The following CD70 variants were observed in gnomAD, a reference collection of about 807,000 sequenced individuals.
CD70 encodes the protein CD70 molecule, also known as CD70 antigen.
CD70 carries 6 observed loss-of-function variants against 9.0 expected under a neutral mutation model. The ratio of observed to expected loss-of-function variants is 0.67; its 90% CI spans 0.37 to 1.32. The LOEUF (loss-of-function observed/expected upper bound fraction) is 1.32, where lower values mean the gene tolerates loss of function less well. Ranked by LOEUF, CD70 falls within the 40% of genes most tolerant of loss-of-function variation. The probability of loss-of-function intolerance (pLI) is 0.02; values close to 1 mark genes in which losing one functional copy is unlikely to be tolerated. For synonymous variants in CD70, 108 were observed against 112.3 expected (o/e 0.96, Z 0.24); for missense variants, 235 against 258.7 (o/e 0.91, Z 0.63).
chr19:6,590,741 A>C lies in CD70; in HGVS notation c.162+100T>G. On this transcript the variant is annotated intron_variant, in intron 1 of 2. Coordinates refer to ENST00000245903, the MANE Select transcript of CD70 (RefSeq NM_001252.5). The surrounding 1 kb of genome is among the most constrained non-coding windows in gnomAD (Gnocchi z 5.3). ...CTGTTCTGGTCTCTGTCTCTGCCCT[A>C]CCAGATCTTCCTCTCTGGCCTCTTT... The C allele has an allele frequency of 8.1e-6, 9 of 1,117,792 alleles. No individual in the cohort carries two copies. The highest frequency in any genetic ancestry group is 1.4e-5 in the South Asian group (1 of 70,020). 69.2% of individuals were successfully genotyped at this position (1,117,792 alleles called of 1,614,324 possible).
intron 2 of CD70, among the ~76,000 whole-genome samples, chr19:6,587,654 G>C (rs1916058453): frequency 1.3e-5 from 2 of 152,040 alleles, no homozygotes. Context: ...CCACCCGCTG[G>C]TTGAGTGTGT....
In CD70 at chr19:6,590,736, G is replaced by A. The variant is rs892590572; in HGVS notation, c.162+105C>T. 7.5e-6 allele frequency: 8 copies of A among 1,070,000 alleles called. No individual in the cohort carries two copies. The highest frequency in any genetic ancestry group is 4.7e-5 in the African/African-American group (3 of 63,878). The allele number at this position is 1,070,000 out of a possible 1,614,324, so 66.3% of individuals were successfully genotyped here. A position where few individuals can be genotyped will look rare whatever the true frequency, so the allele number is the denominator to read the frequency against. On this transcript the variant is annotated intron_variant, in intron 1 of 2. Transcript: ENST00000245903. The surrounding 1 kb of genome is among the most constrained non-coding windows in gnomAD (Gnocchi z 5.3). Reference sequence around the variant, plus strand: ...CCTCCCTGTTCTGGTCTCTGTCTCTGCCCTACCAGATCTTCCTCTCTGGCC... The same window carrying A: ...CCTCCCTGTTCTGGTCTCTGTCTCTACCCTACCAGATCTTCCTCTCTGGCC...
At chr19:6,586,510 A>T in intron 2 of CD70, 105 bp from the exon 3 acceptor site, 1 of 1,273,730 alleles carries the variant, frequency 7.9e-7, no homozygotes, top group Non-Finnish European at 1.1e-6. Context: ...TTAGAGATCA[A>T]GGAATAGGTT....
At chr19:6,582,938 C>T (rs534395585), downstream of CD70, among the ~76,000 whole-genome samples, 24 of 152,300 alleles carry the variant, frequency 1.6e-4, no homozygotes, top group African/African-American at 5.3e-4. Flanking sequence ...TTGCAGGATA[C>T]AGCCTCCCTC....
At chr19:6,587,918 C>T (rs936221874) in intron 2 of CD70, among the ~76,000 whole-genome samples, 2 of 151,946 alleles carry the variant, frequency 1.3e-5, no homozygotes, top group African/African-American at 2.4e-5. Flanking sequence ...CTATGTTTCC[C>T]AAGAAACATA....
chr19:6,585,424 A>G (rs1300610118), downstream of CD70, among the ~76,000 whole-genome samples: 1 of 149,380 alleles, frequency 6.7e-6, no homozygotes, highest in African/African-American at 2.5e-5. Flanking sequence ...GGCTCACTGC[A>G]GCCTTTGACC....
intron 2 of CD70, among the ~76,000 whole-genome samples, chr19:6,587,521 C>A (rs768138501): frequency 1.3e-5 from 2 of 150,372 alleles, no homozygotes; most frequent in Non-Finnish European, 3.0e-5. Flanking sequence ...AGAGAGACAG[C>A]GTGCGCACGA....
At chr19:6,588,121 T>C (rs951767012) in intron 2 of CD70, among the ~76,000 whole-genome samples, 5 of 152,188 alleles carry the variant, frequency 3.3e-5, no homozygotes, top group Admixed American at 3.3e-4. Context: ...AGACTGGCTA[T>C]CTTGTTAGGA....
At chr19:6,587,382 CAG>C (rs1372064067) in intron 2 of CD70, among the ~76,000 whole-genome samples, 5 of 148,036 alleles carry the variant, frequency 3.4e-5, no homozygotes, top group East Asian at 2.0e-4. Context: ...GTGCACGAGA[CAG>C]AGTGTGAGAG....
chr19:6,588,745 C>T (rs116025932), intron 2 of CD70, among the ~76,000 whole-genome samples: 99 of 152,166 alleles, frequency 6.5e-4, no homozygotes, highest in African/African-American at 2.4e-3. Flanking sequence ...TTCTCTAAAA[C>T]CTGCTCTTGG....
At position 6,590,791 on chromosome 19, in the gene CD70, G is replaced by A; in HGVS notation, c.162+50C>T. 1 of 1,489,684 alleles carries A rather than the reference G, an allele frequency of 6.7e-7. No homozygotes were observed. The highest frequency in any genetic ancestry group is 1.2e-5 in the South Asian group (1 of 84,238). The allele number at this position is 1,489,684 out of a possible 1,614,324, so 92.3% of individuals were successfully genotyped here. A position where few individuals can be genotyped will look rare whatever the true frequency, so the allele number is the denominator to read the frequency against. On this transcript the variant is annotated intron_variant, in intron 1 of 2. Transcript: ENST00000245903. This position sits in a 1 kb window ranked among gnomAD's most constrained non-coding sequence, Gnocchi z 5.3. ...TGTACCCATCTCATTCTGTCTTTTC[G>A]GTCACGCGCCTCTCTATGTTTTCTT...
rs116982304 is a variant in CD70, at chr19:6,587,480, G to C, written c.197-1075C>G. 2.0e-3 allele frequency among the ~76,000 whole-genome samples: 301 copies of C among 152,150 alleles called. 6 individuals are homozygous for C. In the East Asian group the frequency reaches 0.049, roughly 25 times the overall value. The stretch of plus-strand genomic sequence containing the variant: ...CGAGAGTGCACGGGAGTGAGCGAGA[G>C]AGTGCCTGAGAGAGTGAGACAGACA... On this transcript the variant is annotated intron_variant, in intron 2 of 2. Coordinates refer to ENST00000245903, the MANE Select transcript of CD70 (RefSeq NM_001252.5).
rs138374082 is a variant in CD70 at position 6,590,595 on chromosome 19, G to C, written c.162+246C>G. Among the ~76,000 whole-genome samples, 1 of 152,144 alleles carries C rather than the reference G, an allele frequency of 6.6e-6. No individual in the cohort carries two copies. The highest frequency in any genetic ancestry group is 1.5e-5 in the Non-Finnish European group (1 of 68,002). On this transcript the variant is annotated intron_variant, in intron 1 of 2. Coordinates refer to ENST00000245903, the MANE Select transcript of CD70 (RefSeq NM_001252.5). This position sits in a 1 kb window ranked among gnomAD's most constrained non-coding sequence, Gnocchi z 5.3. ...AGCCTGCCGGGGGAACACCAGAGCC[G>C]AGTCATCTTCCATTTCCATGTGTGC...
intron 2 of CD70, 131 bp from the exon 3 acceptor site, chr19:6,586,536 T>C: frequency 9.6e-7 from 1 of 1,041,018 alleles, no homozygotes; most frequent in Non-Finnish European, 1.4e-6. Flanking sequence ...TGGTGGCTCA[T>C]GCCTGAAATC....
At chr19:6,583,884 C>T (rs1224122961), downstream of CD70, among the ~76,000 whole-genome samples, 7 of 150,558 alleles carry the variant, frequency 4.6e-5, no homozygotes, top group East Asian at 2.0e-4. Context: ...CCTCCACCTC[C>T]GGGGTTTAAG....
chr19:6,591,046 G>T lies in CD70; in HGVS notation c.-44C>A, dbSNP rs1360895003. On this transcript the variant is annotated 5_prime_UTR_variant, in exon 1 of 3. Transcript: ENST00000245903. ...CGCTAGCGCAGGAGGGGCGATGGGG[G>T]CGCGGAGCGCTGCCGAGAAGGAAGG... The T allele has an allele frequency of 6.5e-7, 1 of 1,543,684 alleles. No homozygotes were observed. Among genetic ancestry groups the T allele is most frequent in the African/African-American group, 1.4e-5 (1 of 72,288 alleles).
chr19:6,583,782 G>A (rs1281799049), downstream of CD70, among the ~76,000 whole-genome samples: 1 of 128,774 alleles, frequency 7.8e-6, no homozygotes, highest in African/African-American at 2.8e-5. Context: ...TGGTAACTGT[G>A]GTCTTGATTT....
chr19:6,583,063 G>A (rs902302119), downstream of CD70: 23 of 357,216 alleles, frequency 6.4e-5, no homozygotes, highest in South Asian at 2.6e-4. Flanking sequence ...GGCGGGTGGC[G>A]CATGGGTCTC....
rs202182551 is a variant in CD70 at position 6,590,841 on chromosome 19, C to T, written c.162G>A (p.Gly54=). 4.3e-6 allele frequency: 7 copies of T among 1,612,032 alleles called. No individual in the cohort carries two copies. Among genetic ancestry groups the T allele is most frequent in the Non-Finnish European group, 5.1e-6 (6 of 1,178,966 alleles). ...AQQQLPLESL[G]WDVAELQLNH... Reference sequence around the variant, plus strand: ...TCCCAACTTTTCCATCTCAACTCACCCCAAGTGACTCGAGCGGCAGCTGCT... The same window carrying T: ...TCCCAACTTTTCCATCTCAACTCACTCCAAGTGACTCGAGCGGCAGCTGCT... Residue 54 remains glycine (G), a splice_region_variant and synonymous_variant, in exon 1 of 3, where the codon GGG becomes GGA. Coordinates refer to ENST00000245903, the MANE Select transcript of CD70 (RefSeq NM_001252.5). This position sits in a 1 kb window ranked among gnomAD's most constrained non-coding sequence, Gnocchi z 5.3.
Sources: allele counts gnomAD v4.1 joint callset (sites outside exome capture counted in the v4.1 genomes callset), GRCh38; gene constraint gnomAD v4.1.1; non-coding constraint Gnocchi (gnomAD v3.1); transcripts MANE v1.5; gene names NCBI Gene and HGNC (gene_info 2026-07-23, HGNC 2026-07-21).